GRIP1: variants seen among roughly 807,000 people sequenced by gnomAD.
GRIP1 encodes the protein glutamate receptor interacting protein 1, also known as glutamate receptor-interacting protein 1.
Under a neutral mutation model 129.9 loss-of-function variants are expected in GRIP1, and 45 were observed. The observed-to-expected ratio is 0.35, with a 90% confidence interval of 0.27 to 0.44. The LOEUF is 0.44. Ranked by LOEUF, GRIP1 falls within the 20% of genes least tolerant of loss-of-function variation. The pLI is 1.00. For synonymous variants in GRIP1, 530 were observed against 520.8 expected, an observed-to-expected ratio of 1.02 and a Z score of -0.24; for missense variants, 1,196 against 1,396.8, an observed-to-expected ratio of 0.86 and a Z score of 2.29.
At chr12:67,009,293 TA>T (rs2042671649) in intron 1 of GRIP1, among the ~76,000 whole-genome samples, 1 of 152,138 alleles carries the variant, frequency 6.6e-6, no homozygotes, top group South Asian at 2.1e-4. Context: ...TTTTTGAGGG[TA>T]ATTAGCCACT....
intron 9 of GRIP1, among the ~76,000 whole-genome samples, chr12:66,457,499 G>T (rs1200461108): frequency 1.3e-5 from 2 of 152,172 alleles, no homozygotes; most frequent in African/African-American, 4.8e-5. Context: ...GGTCTCAAGT[G>T]ATCCTTCTAC....
chr12:66,452,851 C>A (rs986336414), intron 11 of GRIP1, among the ~76,000 whole-genome samples: 1 of 151,916 alleles, frequency 6.6e-6, no homozygotes, highest in Non-Finnish European at 1.5e-5. Flanking sequence ...GAAAAAAATC[C>A]TCACTTAAAA....
chr12:66,394,091 T>G, intron 17 of GRIP1, 117 bp downstream of exon 17: 1 of 1,018,898 alleles, frequency 9.8e-7, no homozygotes, highest in Non-Finnish European at 1.5e-6. Flanking sequence ...CAATCCTTTG[T>G]GCAGATTTTT....
At chr12:66,704,334 G>A (rs1194604633) in intron 1 of GRIP1, among the ~76,000 whole-genome samples, 1 of 151,896 alleles carries the variant, frequency 6.6e-6, no homozygotes, top group African/African-American at 2.4e-5. Context: ...AAAAGCTAAT[G>A]TTAAAAATTC....
At chr12:66,947,333 A>G (rs1592379211) in intron 1 of GRIP1, among the ~76,000 whole-genome samples, 1 of 152,142 alleles carries the variant, frequency 6.6e-6, no homozygotes, top group African/African-American at 2.4e-5. Flanking sequence ...CATATTAATC[A>G]TCCCTCCCAG....
chr12:66,593,846 AT>A (rs553335627), intron 2 of GRIP1, among the ~76,000 whole-genome samples: 5 of 152,032 alleles, frequency 3.3e-5, no homozygotes, highest in Non-Finnish European at 5.9e-5. Flanking sequence ...AGGTGGGCGG[AT>A]CACGAGGTCA....
At chr12:66,681,473 C>A (rs1040356591), upstream of GRIP1, among the ~76,000 whole-genome samples, 1 of 152,110 alleles carries the variant, frequency 6.6e-6, no homozygotes, top group Non-Finnish European at 1.5e-5. Context: ...GCCAAGGCAA[C>A]CGGTGGAATG....
chr12:66,678,793 G>C, intron 1 of GRIP1, 57 bp downstream of exon 1: 1 of 1,487,842 alleles, frequency 6.7e-7, no homozygotes, highest in Non-Finnish European at 9.4e-7. Context: ...CCATTAAACT[G>C]TGTTTATAGG....
At chr12:66,382,828 AG>A (rs2056176593) in intron 19 of GRIP1, among the ~76,000 whole-genome samples, 1 of 152,220 alleles carries the variant, frequency 6.6e-6, no homozygotes, top group South Asian at 2.1e-4. Context: ...AGGCATAGAA[AG>A]TGAGTTCTAG....
At chr12:66,732,562 A>AC (rs1033467948) in intron 1 of GRIP1, among the ~76,000 whole-genome samples, 40 of 152,182 alleles carry the variant, frequency 2.6e-4, no homozygotes, top group African/African-American at 9.4e-4. Flanking sequence ...AAACAAACAA[A>AC]AAAAAAACAA....
chr12:66,367,759 CTG>C (rs1218988501), intron 23 of GRIP1, among the ~76,000 whole-genome samples: 1 of 152,174 alleles, frequency 6.6e-6, no homozygotes, highest in Non-Finnish European at 1.5e-5. Flanking sequence ...ATATTTCAGA[CTG>C]TGCATCCCAG....
At chr12:66,628,519 C>T (rs2030370584) in intron 1 of GRIP1, among the ~76,000 whole-genome samples, 2 of 152,230 alleles carry the variant, frequency 1.3e-5, no homozygotes, top group Non-Finnish European at 2.9e-5. Flanking sequence ...GTTAACCCCT[C>T]ATCAGAGTTT....
chr12:66,831,060 C>T (rs528700207), intron 1 of GRIP1, among the ~76,000 whole-genome samples: 12 of 152,066 alleles, frequency 7.9e-5, no homozygotes, highest in South Asian at 4.2e-4. Flanking sequence ...TTCTATGTCA[C>T]GCAGGCTGGT....
intron 9 of GRIP1, among the ~76,000 whole-genome samples, chr12:66,462,397 A>C (rs2059159709): frequency 6.6e-6 from 1 of 152,220 alleles, no homozygotes; most frequent in Non-Finnish European, 1.5e-5. Flanking sequence ...GAAATTCAAA[A>C]TGTATACCAG....
chr12:66,845,579 G>A (rs2039799664), intron 1 of GRIP1, among the ~76,000 whole-genome samples: 1 of 152,154 alleles, frequency 6.6e-6, no homozygotes, highest in Admixed American at 6.5e-5. Context: ...CAAGAAAACT[G>A]TAATTTTTGT....
intron 1 of GRIP1, among the ~76,000 whole-genome samples, chr12:66,649,025 C>A (rs1212310343): frequency 6.6e-6 from 1 of 152,090 alleles, no homozygotes; most frequent in Non-Finnish European, 1.5e-5. Flanking sequence ...CGTATAGGCT[C>A]ACAGGGGGTT....
intron 1 of GRIP1, among the ~76,000 whole-genome samples, chr12:66,735,363 A>G (rs1214714549): frequency 6.6e-6 from 1 of 152,234 alleles, no homozygotes; most frequent in Admixed American, 6.5e-5. Flanking sequence ...CAAGATAAAG[A>G]GTAATTCTGG....
rs560096382 is a variant in GRIP1, at chr12:66,784,007, A to G, written c.-420+20046T>C. On this transcript the variant is annotated intron_variant, in intron 1 of 4. Coordinates refer to the GRIP1 transcript ENST00000538373. ...TATCAAGGTTAACAGAAGAACAAAA[A>G]TGGTATTTACTTTCCATATAATCGT... Among the ~76,000 whole-genome samples the G allele has an allele frequency of 2.2e-3, 333 of 152,294 alleles. 4 individuals carry two copies. The highest frequency in any genetic ancestry group is 7.7e-3 in the African/African-American group (318 of 41,556).
intron 1 of GRIP1, among the ~76,000 whole-genome samples, chr12:66,678,335 T>C (rs966129411): frequency 6.6e-6 from 1 of 152,198 alleles, no homozygotes; most frequent in African/African-American, 2.4e-5. Context: ...CATACTTTTC[T>C]GAACATGCAA....
Sources: allele counts gnomAD v4.1 joint callset (sites outside exome capture counted in the v4.1 genomes callset), GRCh38; gene constraint gnomAD v4.1.1; transcripts MANE v1.5; gene names NCBI Gene and HGNC (gene_info 2026-07-23, HGNC 2026-07-21).